The following CSMD1 variants were observed in gnomAD, a reference collection of about 807,000 sequenced individuals.
CSMD1 encodes CUB and Sushi multiple domains 1.
In CSMD1, 213 loss-of-function variants were observed where a neutral mutation model predicts 417.5. The observed-to-expected ratio is 0.51, with a 90% CI of 0.46 to 0.57. The LOEUF (loss-of-function observed/expected upper bound fraction) is 0.57, where lower values mean the gene tolerates loss of function less well. Ranked by LOEUF, CSMD1 falls within the 20% of genes least tolerant of loss-of-function variation. The probability of loss-of-function intolerance (pLI) is 0.00; values close to 1 mark genes in which losing one functional copy is unlikely to be tolerated. For synonymous variants in CSMD1, 2,862 were observed against 1,736.8 expected (o/e 1.65, Z -16.11); for missense variants, 6,923 against 4,529.7 (o/e 1.53, Z -15.17).
At chr8:4,892,786 T>C (rs570023447) in intron 1 of CSMD1, among the ~76,000 whole-genome samples, 6 of 152,244 alleles carry the variant, frequency 3.9e-5, no homozygotes, top group African/African-American at 9.6e-5. Flanking sequence ...TAATAGGGTA[T>C]AAATCTACCT....
intron 5 of CSMD1, among the ~76,000 whole-genome samples, chr8:3,771,950 C>G (rs1798595717): frequency 6.6e-6 from 1 of 151,966 alleles, no homozygotes; most frequent in Non-Finnish European, 1.5e-5. Flanking sequence ...CGTGTAATGT[C>G]TACTGGCATT....
chr8:4,668,822 C>T (rs542128561), intron 1 of CSMD1, among the ~76,000 whole-genome samples: 24 of 152,114 alleles, frequency 1.6e-4, no homozygotes, highest in Non-Finnish European at 2.6e-4. Context: ...ATGATTTCTT[C>T]TCTATATCTG....
chr8:4,130,343 C>T (rs920509446), intron 3 of CSMD1, among the ~76,000 whole-genome samples: 1 of 152,014 alleles, frequency 6.6e-6, no homozygotes, highest in South Asian at 2.1e-4. Flanking sequence ...TTCCAAAGAC[C>T]CCCAGTAATG....
intron 35 of CSMD1, 99 bp downstream of exon 35, chr8:3,188,788 A>T: frequency 9.6e-7 from 1 of 1,045,286 alleles, no homozygotes; most frequent in Non-Finnish European, 1.3e-6. Flanking sequence ...AGAGGGAGAG[A>T]GAGAGAGATG....
chr8:4,616,452 A>T (rs1180627996), intron 2 of CSMD1, among the ~76,000 whole-genome samples: 1 of 152,192 alleles, frequency 6.6e-6, no homozygotes, highest in East Asian at 1.9e-4. Context: ...TAAGAGTAAA[A>T]CTAACTATTT....
At chr8:3,705,049 T>A (rs1296470079) in intron 7 of CSMD1, among the ~76,000 whole-genome samples, 3 of 152,072 alleles carry the variant, frequency 2.0e-5, no homozygotes, top group African/African-American at 7.2e-5. Context: ...CATGACAGGG[T>A]CCCACCAGGA....
chr8:4,099,643 C>T (rs1239329929), intron 3 of CSMD1, among the ~76,000 whole-genome samples: 2 of 152,024 alleles, frequency 1.3e-5, no homozygotes, highest in Non-Finnish European at 2.9e-5. Flanking sequence ...TTCTTGGGTT[C>T]AGAATAAACC....
chr8:4,513,063 T>C (rs914255734), intron 2 of CSMD1, among the ~76,000 whole-genome samples: 1 of 152,168 alleles, frequency 6.6e-6, no homozygotes, highest in African/African-American at 2.4e-5. Context: ...TATGATACTA[T>C]AAGGATGGAT....
chr8:4,792,393 C>T (rs755401790), intron 1 of CSMD1, among the ~76,000 whole-genome samples: 14 of 152,172 alleles, frequency 9.2e-5, no homozygotes, highest in African/African-American at 2.4e-4. Context: ...AGAGACATTT[C>T]GTCTTTTCAT....
At chr8:3,813,798 T>TGACATTAA (rs1563106364) in intron 5 of CSMD1, among the ~76,000 whole-genome samples, 2 of 151,978 alleles carry the variant, frequency 1.3e-5, no homozygotes, top group African/African-American at 2.4e-5. Context: ...TAATGTCTTC[T>TGACATTAA]GTTACTGAAA....
At chr8:3,889,861 C>G (rs1210377815) in intron 5 of CSMD1, among the ~76,000 whole-genome samples, 1 of 151,844 alleles carries the variant, frequency 6.6e-6, no homozygotes, top group Non-Finnish European at 1.5e-5. Flanking sequence ...TAAAATATTA[C>G]CAAAGGTCAA....
intron 4 of CSMD1, among the ~76,000 whole-genome samples, chr8:4,024,240 T>G (rs1388880464): frequency 1.3e-5 from 2 of 152,110 alleles, no homozygotes; most frequent in East Asian, 3.9e-4. Flanking sequence ...ATATTAATAC[T>G]CATATCAAGG....
chr8:4,827,381 T>C (rs560291899), intron 1 of CSMD1, among the ~76,000 whole-genome samples: 116 of 152,196 alleles, frequency 7.6e-4, no homozygotes, highest in African/African-American at 2.7e-3. Flanking sequence ...GCTGCTCGAG[T>C]TACCTTCCTC....
chr8:3,570,775 C>T (rs1184536955), intron 10 of CSMD1, among the ~76,000 whole-genome samples: 1 of 152,120 alleles, frequency 6.6e-6, no homozygotes, highest in Non-Finnish European at 1.5e-5. Context: ...TGGTGGAAAG[C>T]AAGCAAGCTA....
chr8:3,682,458 C>T (rs1384640793), intron 7 of CSMD1, among the ~76,000 whole-genome samples: 2 of 152,100 alleles, frequency 1.3e-5, no homozygotes, highest in African/African-American at 2.4e-5. Context: ...TCATCACCGG[C>T]CATCAGAGAA....
At chr8:3,717,508 G>C (rs767999571) in intron 6 of CSMD1, among the ~76,000 whole-genome samples, 2 of 152,022 alleles carry the variant, frequency 1.3e-5, no homozygotes, top group African/African-American at 4.8e-5. Context: ...CTAAAAACAG[G>C]GTCCTTGTCA....
chr8:3,055,607 G>C (rs1462474848), intron 49 of CSMD1, among the ~76,000 whole-genome samples: 2 of 152,144 alleles, frequency 1.3e-5, no homozygotes, highest in African/African-American at 4.8e-5. Flanking sequence ...TTTTAAAAAT[G>C]CGAATTAGCA....
chr8:3,552,696 C>T (rs1005017941), intron 10 of CSMD1, among the ~76,000 whole-genome samples: 1 of 152,138 alleles, frequency 6.6e-6, no homozygotes, highest in Non-Finnish European at 1.5e-5. Context: ...CCATTTGGGT[C>T]TGAAGTTTTA....
chr8:4,303,370 T>A (rs1469464237), intron 3 of CSMD1, among the ~76,000 whole-genome samples: 2 of 149,910 alleles, frequency 1.3e-5, no homozygotes, highest in African/African-American at 4.9e-5. Flanking sequence ...AATCTTCAAA[T>A]AATTTATTAA....
Sources: gnomAD v4.1 joint callset for allele counts (sites outside exome capture counted in the v4.1 genomes callset) on GRCh38, gnomAD v4.1.1 for gene constraint, MANE v1.5 for transcripts, NCBI Gene and HGNC (gene_info 2026-07-23, HGNC 2026-07-21) for gene names.